NFIB: variants seen among roughly 807,000 people sequenced by gnomAD.
NFIB encodes nuclear factor 1 B-type.
In NFIB, 11 loss-of-function variants were observed where a neutral mutation model predicts 61.5. The ratio of observed to expected loss-of-function variants is 0.18; its 90% CI spans 0.11 to 0.30. The LOEUF (loss-of-function observed/expected upper bound fraction) is 0.30. NFIB is among the 10% of genes least tolerant of loss of function. The probability of loss-of-function intolerance (pLI) is 1.00; values close to 1 mark genes in which losing one functional copy is unlikely to be tolerated. For missense variants in NFIB, 471 were observed against 608.9 expected (o/e 0.77, Z 2.38); for synonymous variants, 260 against 216.5 (o/e 1.20, Z -1.76).
the NFIB span, among the ~76,000 whole-genome samples, chr9:14,465,572 TACACACACACACACACACAC>T: frequency 7.5e-5 from 11 of 146,200 alleles, no homozygotes; most frequent in African/African-American, 2.8e-4. Flanking sequence ...AATGACTTGT[TACACACACACACACACACAC>T]ACACACACAC....
chr9:14,444,162 A>G, the NFIB span, among the ~76,000 whole-genome samples: 1 of 152,254 alleles, frequency 6.6e-6, no homozygotes, highest in African/African-American at 2.4e-5. Flanking sequence ...AAATTGAGAT[A>G]TCAAATATGC....
At chr9:14,505,664 C>T in the NFIB span, among the ~76,000 whole-genome samples, 54 of 152,080 alleles carry the variant, frequency 3.6e-4, no homozygotes, top group Admixed American at 3.1e-3. Flanking sequence ...CCCCCTAACC[C>T]CTTCTGTAGG....
intron 2 of NFIB, among the ~76,000 whole-genome samples, chr9:14,280,132 G>A (rs1251382169): frequency 1.3e-5 from 2 of 152,120 alleles, no homozygotes; most frequent in African/African-American, 4.8e-5. Context: ...GTCTGCTAAG[G>A]AGGTTAGTCC....
intron 2 of NFIB, among the ~76,000 whole-genome samples, chr9:14,223,902 C>A (rs765020293): frequency 3.9e-5 from 6 of 152,164 alleles, no homozygotes; most frequent in Non-Finnish European, 8.8e-5. Flanking sequence ...CTATCAGCCA[C>A]CCTAACCGCC....
chr9:14,083,439 T>G lies in NFIB; in HGVS notation c.*4870A>C, dbSNP rs928974610. 1 of 218,152 alleles carries G rather than the reference T, an allele frequency of 4.6e-6. No individual in the cohort carries two copies. Among genetic ancestry groups the G allele is most frequent in the East Asian group, 6.6e-5 (1 of 15,046 alleles). The allele number at this position is 218,152 out of a possible 1,614,324, so 13.5% of individuals were successfully genotyped here. ...CCTTCAGCATGGAGTAGAACATTCA[T>G]TTTTGAGCTTTTACTATTGAACTTG... On this transcript the variant is annotated 3_prime_UTR_variant, in exon 11 of 11. Coordinates refer to ENST00000380953, the MANE Select transcript of NFIB (RefSeq NM_001190737.2).
chr9:14,208,574 T>C (rs1039556372), intron 2 of NFIB, among the ~76,000 whole-genome samples: 22 of 152,160 alleles, frequency 1.4e-4, no homozygotes, highest in East Asian at 1.9e-4. Flanking sequence ...TTTTTTTTTT[T>C]TTCCTTAAGG....
the NFIB span, among the ~76,000 whole-genome samples, chr9:14,516,073 G>A: frequency 6.6e-6 from 1 of 152,226 alleles, no homozygotes; most frequent in South Asian, 2.1e-4. Flanking sequence ...AGCCAGCGCT[G>A]AATTTAGCCC....
rs112617458 is a variant in NFIB, at chr9:14,338,844, C to T, written c.109-31324G>A. Reference sequence around the variant, plus strand: ...ATCTCCCTCTCCTCCTTTCTCCTGCCCCTCCTTCCCCCCTTGGATCCCCCT... The same window carrying T: ...ATCTCCCTCTCCTCCTTTCTCCTGCTCCTCCTTCCCCCCTTGGATCCCCCT... On this transcript the variant is annotated intron_variant, in intron 1 of 8. Coordinates refer to the NFIB transcript ENST00000380934. Among the ~76,000 whole-genome samples the T allele has an allele frequency of 9.7e-3, 1,480 of 151,920 alleles. 22 individuals are homozygous for T. The highest frequency in any genetic ancestry group is 0.034 in the African/African-American group (1,398 of 41,394).
chr9:14,247,875 A>G (rs1381459010), intron 2 of NFIB, among the ~76,000 whole-genome samples: 1 of 151,504 alleles, frequency 6.6e-6, no homozygotes, highest in East Asian at 1.9e-4. Flanking sequence ...TCTACAGTAG[A>G]TATCTGCCCT....
chr9:14,329,251 A>G (rs1564011598), intron 1 of NFIB, among the ~76,000 whole-genome samples: 1 of 152,090 alleles, frequency 6.6e-6, no homozygotes, highest in Admixed American at 6.5e-5. Flanking sequence ...CCTAAAGGAC[A>G]CCTCCTGACT....
At chr9:14,482,564 T>TA in the NFIB span, among the ~76,000 whole-genome samples, 2 of 152,234 alleles carry the variant, frequency 1.3e-5, no homozygotes, top group African/African-American at 4.8e-5. Flanking sequence ...GGACAAGTGA[T>TA]ACACTGCATT....
At chr9:14,250,344 C>T (rs1346016574) in intron 2 of NFIB, among the ~76,000 whole-genome samples, 1 of 152,122 alleles carries the variant, frequency 6.6e-6, no homozygotes, top group Non-Finnish European at 1.5e-5. Flanking sequence ...ACCTCTTAAA[C>T]ATGAGAGAGA....
At chr9:14,153,087 C>A (rs1205207609) in intron 4 of NFIB, among the ~76,000 whole-genome samples, 1 of 152,020 alleles carries the variant, frequency 6.6e-6, no homozygotes, top group African/African-American at 2.4e-5. Context: ...TCCTAAATAG[C>A]CTGATTTAAT....
chr9:14,137,554 A>G (rs944533356), intron 6 of NFIB, among the ~76,000 whole-genome samples: 4 of 152,156 alleles, frequency 2.6e-5, no homozygotes, highest in Non-Finnish European at 5.9e-5. Flanking sequence ...ATCTTAGTAT[A>G]CAACTTTGTT....
chr9:14,204,175 T>G, intron 2 of NFIB: 1 of 496,080 alleles, frequency 2.0e-6, no homozygotes, highest in African/African-American at 1.9e-5. Flanking sequence ...AGAAAACCTT[T>G]TCATACCTTT....
At chr9:14,106,803 A>T (rs1005163946) in intron 10 of NFIB, among the ~76,000 whole-genome samples, 4 of 152,084 alleles carry the variant, frequency 2.6e-5, no homozygotes, top group Non-Finnish European at 5.9e-5. Context: ...AATACACAGC[A>T]ATTAGCTTTG....
intron 1 of NFIB, among the ~76,000 whole-genome samples, chr9:14,359,722 G>A (rs1341513676): frequency 2.0e-5 from 3 of 152,172 alleles, no homozygotes; most frequent in Non-Finnish European, 4.4e-5. Flanking sequence ...AGGGCAATGG[G>A]AACTCAGCTT....
chr9:14,281,031 G>T (rs559861210), intron 2 of NFIB, among the ~76,000 whole-genome samples: 1 of 152,110 alleles, frequency 6.6e-6, no homozygotes, highest in East Asian at 1.9e-4. Flanking sequence ...GCCAAAATGG[G>T]ATATTATATT....
the NFIB span, among the ~76,000 whole-genome samples, chr9:14,446,601 G>C: frequency 1.6e-4 from 25 of 152,034 alleles, no homozygotes; most frequent in African/African-American, 5.1e-4. Context: ...ATTTATGTGT[G>C]TCATATATAT....
Sources: gnomAD v4.1 joint callset for allele counts (sites outside exome capture counted in the v4.1 genomes callset) on GRCh38, gnomAD v4.1.1 for gene constraint, MANE v1.5 for transcripts, NCBI Gene and HGNC (gene_info 2026-07-23, HGNC 2026-07-21) for gene names.